AKT3: variants seen among roughly 807,000 people sequenced by gnomAD.
AKT3 encodes RAC-gamma serine/threonine-protein kinase.
AKT3 carries 15 observed loss-of-function variants against 65.3 expected under a neutral mutation model. That is an observed-to-expected ratio of 0.23 (90% CI 0.15 to 0.35). AKT3 has a LOEUF of 0.35. AKT3 is among the 10% of genes least tolerant of loss of function. AKT3 has a pLI of 1.00. For synonymous variants in AKT3, 206 were observed against 183.8 expected (o/e 1.12, Z -0.98); for missense variants, 243 against 576.5 (o/e 0.42, Z 5.92).
intron 12 of AKT3, among the ~76,000 whole-genome samples, chr1:243,543,130 C>A (rs1016253671): frequency 6.6e-6 from 1 of 152,314 alleles, no homozygotes; most frequent in East Asian, 1.9e-4. Flanking sequence ...CCTGCCAGAG[C>A]TGCTGGCTCC....
intron 8 of AKT3, among the ~76,000 whole-genome samples, chr1:243,609,829 T>C (rs1245775380): frequency 6.6e-6 from 1 of 152,212 alleles, no homozygotes; most frequent in Non-Finnish European, 1.5e-5. Flanking sequence ...TAAAATTTTT[T>C]TCAATAATCA....
intron 2 of AKT3, among the ~76,000 whole-genome samples, chr1:243,833,474 A>C (rs1263772067): frequency 6.7e-6 from 1 of 150,340 alleles, no homozygotes; most frequent in African/African-American, 2.5e-5. Flanking sequence ...AGAACTCGAT[A>C]ACACGAGAAC....
intron 4 of AKT3, among the ~76,000 whole-genome samples, chr1:243,660,833 T>G (rs1682251015): frequency 6.6e-6 from 1 of 152,124 alleles, no homozygotes; most frequent in Admixed American, 6.6e-5. Context: ...GCCCAAAATC[T>G]CCTTAAGCTG....
chr1:243,843,474 C>T, intron 1 of AKT3, 192 bp from the exon 2 acceptor site: 1 of 1,080,992 alleles, frequency 9.3e-7, no homozygotes. Context: ...TGACCAATTT[C>T]AAATGATAGT....
chr1:243,636,548 C>T (rs1229861352), intron 6 of AKT3, among the ~76,000 whole-genome samples: 1 of 151,978 alleles, frequency 6.6e-6, no homozygotes, highest in Non-Finnish European at 1.5e-5. Flanking sequence ...TTTTATTATA[C>T]CAATTTAAAT....
intron 2 of AKT3, among the ~76,000 whole-genome samples, chr1:243,777,212 A>C (rs1441683838): frequency 6.6e-6 from 1 of 152,204 alleles, no homozygotes; most frequent in Non-Finnish European, 1.5e-5. Context: ...TACATTTATC[A>C]TTAAATTCTC....
chr1:243,694,111 T>G (rs182537973), intron 3 of AKT3, among the ~76,000 whole-genome samples: 5 of 152,134 alleles, frequency 3.3e-5, no homozygotes, highest in African/African-American at 1.2e-4. Context: ...GGTCAAAAAA[T>G]GCTGCATTTT....
chr1:243,632,263 G>A (rs556143293), intron 6 of AKT3, among the ~76,000 whole-genome samples: 10 of 152,310 alleles, frequency 6.6e-5, no homozygotes, highest in Admixed American at 4.6e-4. Context: ...CAGAATGGAC[G>A]TTGATAATGA....
intron 1 of AKT3, among the ~76,000 whole-genome samples, chr1:243,848,390 T>A (rs970984342): frequency 1.9e-4 from 29 of 152,332 alleles, no homozygotes; most frequent in African/African-American, 6.5e-4. Flanking sequence ...GTTGCTATTT[T>A]AATTATAAAA....
At chr1:243,791,033 C>T (rs949832937) in intron 2 of AKT3, among the ~76,000 whole-genome samples, 1 of 152,138 alleles carries the variant, frequency 6.6e-6, no homozygotes, top group African/African-American at 2.4e-5. Flanking sequence ...CACAGAGGCA[C>T]AACATAAGCA....
chr1:243,845,580 A>G (rs1402139153), intron 1 of AKT3, among the ~76,000 whole-genome samples: 3 of 60,994 alleles, frequency 4.9e-5, no homozygotes, highest in African/African-American at 1.4e-4. Flanking sequence ...TACAGTGAGA[A>G]CCTGTCTCAA....
chr1:243,846,773 T>C (rs1038246442), intron 1 of AKT3, among the ~76,000 whole-genome samples: 2 of 152,164 alleles, frequency 1.3e-5, no homozygotes, highest in African/African-American at 2.4e-5. Flanking sequence ...ACTGTAATAA[T>C]AGGTACAAAC....
intron 8 of AKT3, among the ~76,000 whole-genome samples, chr1:243,603,384 C>A (rs931091006): frequency 2.6e-5 from 4 of 152,206 alleles, no homozygotes; most frequent in Non-Finnish European, 5.9e-5. Flanking sequence ...TTAATATACT[C>A]TGTTGTACCT....
intron 12 of AKT3, among the ~76,000 whole-genome samples, chr1:243,520,422 G>A (rs1670650725): frequency 6.6e-6 from 1 of 152,172 alleles, no homozygotes; most frequent in Non-Finnish European, 1.5e-5. Flanking sequence ...TTTTGTTACA[G>A]CAGCCCTAGC....
intron 8 of AKT3, among the ~76,000 whole-genome samples, chr1:243,601,884 C>A (rs187084174): frequency 6.6e-6 from 1 of 152,216 alleles, no homozygotes; most frequent in Admixed American, 6.5e-5. Flanking sequence ...TCTTTTTCCT[C>A]CTCAGGGTTT....
chr1:243,722,055 AT>A (rs1686944928), intron 2 of AKT3, among the ~76,000 whole-genome samples: 1 of 152,122 alleles, frequency 6.6e-6, no homozygotes, highest in African/African-American at 2.4e-5. Context: ...TTCCAAACAC[AT>A]TTTGGCTATG....
chr1:243,727,587 G>T (rs2148132660), intron 2 of AKT3, among the ~76,000 whole-genome samples: 1 of 152,130 alleles, frequency 6.6e-6, no homozygotes. Context: ...AGCCCCAAAA[G>T]TTTATTATTA....
chr1:243,704,324 G>C (rs1685655904), intron 2 of AKT3, among the ~76,000 whole-genome samples: 1 of 152,182 alleles, frequency 6.6e-6, no homozygotes, highest in Non-Finnish European at 1.5e-5. Context: ...TACAAGCATA[G>C]TCCCAGCCCT....
chr1:243,670,612 A>G (rs1683092239), intron 3 of AKT3, among the ~76,000 whole-genome samples: 1 of 152,232 alleles, frequency 6.6e-6, no homozygotes, highest in South Asian at 2.1e-4. Context: ...GCTATTAACC[A>G]AATGATTATC....
Sources: allele counts gnomAD v4.1 joint callset (sites outside exome capture counted in the v4.1 genomes callset), GRCh38; gene constraint gnomAD v4.1.1; transcripts MANE v1.5; gene names NCBI Gene and HGNC (gene_info 2026-07-23, HGNC 2026-07-21).